PLBD1: variants seen among roughly 807,000 people sequenced by gnomAD.
PLBD1 encodes the protein phospholipase B domain containing 1, also known as lysosomal leucine aminopeptidase.
In PLBD1, 60 loss-of-function variants were observed where a neutral mutation model predicts 63.0. The ratio of observed to expected loss-of-function variants is 0.95; its 90% confidence interval spans 0.77 to 1.18. PLBD1 has a LOEUF of 1.18. Ranked by LOEUF, PLBD1 falls within the 50% of genes most tolerant of loss-of-function variation. PLBD1 has a pLI of 0.00. For missense variants in PLBD1, 598 were observed against 677.9 expected (o/e 0.88, Z 1.31); for synonymous variants, 262 against 248.0 (o/e 1.06, Z -0.53).
Position 14,543,176 on chromosome 12 carries a change from T to A in PLBD1, c.336-885A>T, listed in dbSNP as rs141848004. Among the ~76,000 whole-genome samples, 339 of 152,260 alleles carry A rather than the reference T, an allele frequency of 2.2e-3. 2 individuals carry two copies. Among genetic ancestry groups the A allele is most frequent in the African/African-American group, 7.8e-3 (323 of 41,558 alleles). ...TGTCCCCTCTTTCATGTTTTCTTTG[T>A]TTAGATAATACTTTTGTTATTTTCT... is the stretch of plus-strand genomic sequence containing the variant. On this transcript the variant is annotated intron_variant, in intron 2 of 10. Transcript: ENST00000240617.
intron 2 of PLBD1, 43 bp downstream of exon 2, chr12:14,553,150 A>G: frequency 1.3e-6 from 2 of 1,513,480 alleles, no homozygotes; most frequent in Middle Eastern, 4.6e-4. Context: ...TGGGAAGGAC[A>G]GGGGTTGCCT....
At chr12:14,541,646 T>C (rs1945572201) in intron 3 of PLBD1, among the ~76,000 whole-genome samples, 1 of 152,236 alleles carries the variant, frequency 6.6e-6, no homozygotes, top group South Asian at 2.1e-4. Context: ...ATGAAGAGGT[T>C]GCTTAGAGTG....
At chr12:14,538,523 C>T (rs1007243151) in intron 4 of PLBD1, among the ~76,000 whole-genome samples, 23 of 152,184 alleles carry the variant, frequency 1.5e-4, no homozygotes, top group African/African-American at 5.3e-4. Flanking sequence ...AGCATTCCAA[C>T]GTACGGATGT....
intron 2 of PLBD1, among the ~76,000 whole-genome samples, chr12:14,545,453 C>T (rs1945610000): frequency 6.6e-6 from 1 of 152,158 alleles, no homozygotes; most frequent in Non-Finnish European, 1.5e-5. Context: ...GTTCTGGAGC[C>T]CAGGTGTGTT....
In PLBD1 at chr12:14,520,763, C is replaced by T. The variant is rs115225889; in HGVS notation, c.845-9052G>A. ...ATGAAACCAGGAGGCAGTCTCCCTA[C>T]GGAGAAAACGTGAGCAGGAGAACTC... On this transcript the variant is annotated intron_variant, in intron 6 of 10. Transcript: ENST00000240617. Among the ~76,000 whole-genome samples, 1,162 of 152,224 alleles carry T rather than the reference C, an allele frequency of 7.6e-3. 27 individuals carry two copies. The highest frequency in any genetic ancestry group is 0.027 in the African/African-American group (1,119 of 41,536).
At chr12:14,565,704 G>A (rs1390120315) in intron 1 of PLBD1, among the ~76,000 whole-genome samples, 1 of 152,030 alleles carries the variant, frequency 6.6e-6, no homozygotes, top group Non-Finnish European at 1.5e-5. Context: ...CTAGTAGAAG[G>A]GTAAAGACAA....
intron 6 of PLBD1, among the ~76,000 whole-genome samples, chr12:14,535,341 C>T (rs1340885307): frequency 1.3e-5 from 2 of 152,184 alleles, no homozygotes; most frequent in African/African-American, 4.8e-5. Context: ...GTCTTCATTG[C>T]TTCTGCCGCA....
intron 1 of PLBD1, chr12:14,554,331 A>G (rs1565580610): frequency 6.6e-6 from 1 of 151,870 alleles, no homozygotes; most frequent in East Asian, 1.9e-4. Flanking sequence ...TGTGCCCTAA[A>G]GCTCCCTCTC....
intron 2 of PLBD1, among the ~76,000 whole-genome samples, chr12:14,546,017 T>C (rs1208296559): frequency 6.6e-6 from 1 of 152,132 alleles, no homozygotes; most frequent in Non-Finnish European, 1.5e-5. Flanking sequence ...CCTGGCCTCA[T>C]GCTCTTAAAA....
intron 2 of PLBD1, among the ~76,000 whole-genome samples, chr12:14,552,692 G>C (rs1381334692): frequency 6.6e-6 from 1 of 152,184 alleles, no homozygotes; most frequent in Non-Finnish European, 1.5e-5. Context: ...CTTGAGGTCA[G>C]GAGTTTAGGA....
intron 6 of PLBD1, among the ~76,000 whole-genome samples, chr12:14,513,501 G>C (rs1192588720): frequency 1.3e-5 from 2 of 152,130 alleles, no homozygotes; most frequent in African/African-American, 2.4e-5. Flanking sequence ...ATCTATTCTA[G>C]CCTAGTATGG....
intron 10 of PLBD1, among the ~76,000 whole-genome samples, chr12:14,504,652 TGAA>T (rs1565569290): frequency 6.6e-6 from 1 of 152,164 alleles, no homozygotes; most frequent in Non-Finnish European, 1.5e-5. Context: ...CTAGAATAGA[TGAA>T]GTTCTTAGAA....
chr12:14,507,919 G>A (rs993439897), intron 8 of PLBD1, among the ~76,000 whole-genome samples: 3 of 152,164 alleles, frequency 2.0e-5, no homozygotes, highest in Non-Finnish European at 2.9e-5. Context: ...ACTGCCTACA[G>A]AACAGTCAAG....
intron 6 of PLBD1, chr12:14,531,032 T>G (rs921690174): frequency 1.1e-4 from 17 of 152,220 alleles, no homozygotes; most frequent in Admixed American, 8.5e-4. Context: ...TTGTTTGTCT[T>G]TTTTAACAGG....
In PLBD1 at chr12:14,567,734, G is replaced by A. The variant is rs1945806830; in HGVS notation, c.-38C>T. 3 of 1,387,012 alleles carry A rather than the reference G, an allele frequency of 2.2e-6. No homozygotes were observed. Among genetic ancestry groups the A allele is most frequent in the East Asian group, 3.0e-5 (1 of 33,208 alleles). The allele number at this position is 1,387,012 out of a possible 1,614,324, so 85.9% of individuals were successfully genotyped here. A position where few individuals can be genotyped will look rare whatever the true frequency, so the allele number is the denominator to read the frequency against. On this transcript the variant is annotated 5_prime_UTR_variant, in exon 1 of 11. Transcript: ENST00000240617. Reference sequence around the variant, plus strand: ...GCGACCTTCCTCTGCGGGATCAGGCGGCCGCGGTGGCCCGCGGTGGCAGAA... The same window carrying A: ...GCGACCTTCCTCTGCGGGATCAGGCAGCCGCGGTGGCCCGCGGTGGCAGAA...
At chr12:14,505,473 C>T (rs1227382157) in intron 10 of PLBD1, among the ~76,000 whole-genome samples, 1 of 152,166 alleles carries the variant, frequency 6.6e-6, no homozygotes, top group East Asian at 1.9e-4. Flanking sequence ...TTTTTAACAA[C>T]AATCTTTCTT....
chr12:14,541,513 G>T lies in PLBD1; in HGVS notation c.420-611C>A, dbSNP rs144757444. ...ATGGGATGATTTGATATAACTTTGC[G>T]TACTGAAAACTATTTCTGACTTGTC... On this transcript the variant is annotated intron_variant, in intron 3 of 10. Transcript: ENST00000240617. Among the ~76,000 whole-genome samples, 221 of 152,162 alleles carry T rather than the reference G, an allele frequency of 1.5e-3. 1 individual carries two copies. Among genetic ancestry groups the T allele is most frequent in the African/African-American group, 5.2e-3 (216 of 41,530 alleles).
intron 6 of PLBD1, among the ~76,000 whole-genome samples, chr12:14,519,452 C>T: frequency 6.6e-6 from 1 of 151,718 alleles, no homozygotes. Context: ...ACCCTGTCTC[C>T]ACTAAAAATA....
intron 6 of PLBD1, among the ~76,000 whole-genome samples, chr12:14,526,008 T>TTGAA (rs3083809): frequency 6.6e-6 from 1 of 152,128 alleles, no homozygotes; most frequent in South Asian, 2.1e-4. Flanking sequence ...GAAAGCCAAC[T>TTGAA]TATTAAAATA....
Sources: allele counts gnomAD v4.1 joint callset (sites outside exome capture counted in the v4.1 genomes callset), GRCh38; gene constraint gnomAD v4.1.1; transcripts MANE v1.5; gene names NCBI Gene and HGNC (gene_info 2026-07-23, HGNC 2026-07-21).